BMPER: variants seen among roughly 807,000 people sequenced by gnomAD.
BMPER encodes BMP binding endothelial regulator, also known as BMP-binding endothelial regulator protein.
In BMPER, 45 loss-of-function variants were observed where a neutral mutation model predicts 87.3. That is an observed-to-expected ratio of 0.52 (90% confidence interval 0.41 to 0.66). The LOEUF is 0.66. Among genes scored for constraint, BMPER ranks in the 30% least tolerant of loss-of-function variants. The pLI is 0.00. For synonymous variants in BMPER, 326 were observed against 316.2 expected (o/e 1.03, Z -0.33); for missense variants, 784 against 867.5 (o/e 0.90, Z 1.21).
intron 13 of BMPER, among the ~76,000 whole-genome samples, chr7:34,140,262 T>C (rs2127993858): frequency 6.6e-6 from 1 of 152,306 alleles, no homozygotes; most frequent in South Asian, 2.1e-4. Flanking sequence ...AAGCTGGCAG[T>C]TTCACACCAC....
intron 6 of BMPER, among the ~76,000 whole-genome samples, chr7:34,018,203 G>A (rs751889104): frequency 6.6e-6 from 1 of 151,860 alleles, no homozygotes; most frequent in Non-Finnish European, 1.5e-5. Context: ...TGGTTTGAAG[G>A]CTCTAATTAT....
At chr7:33,993,754 T>C (rs1447388957) in intron 6 of BMPER, among the ~76,000 whole-genome samples, 2 of 152,218 alleles carry the variant, frequency 1.3e-5, no homozygotes. Context: ...TGTGGTTTTA[T>C]CTACTTTTGG....
intron 6 of BMPER, among the ~76,000 whole-genome samples, chr7:33,978,669 C>G (rs79763542): frequency 6.6e-6 from 1 of 152,094 alleles, no homozygotes; most frequent in African/African-American, 2.4e-5. Context: ...TCTCAACTTA[C>G]GGTGGAGTTA....
chr7:34,003,605 G>A lies in BMPER; in HGVS notation c.576+28821G>A, dbSNP rs1260830995. ...AGTCCGTTTAGTATTTTTATGTAGGGCATATCTGCTAGTAATGAATTCTGT... is the reference window on the plus strand; with the variant it reads ...AGTCCGTTTAGTATTTTTATGTAGGACATATCTGCTAGTAATGAATTCTGT... On this transcript the variant is annotated intron_variant, in intron 6 of 14. Transcript: ENST00000649409. 2.6e-5 allele frequency among the ~76,000 whole-genome samples: 4 copies of A among 151,974 alleles called. No homozygotes were observed. In the East Asian group the frequency reaches 7.7e-4, roughly 29 times the overall value.
At chr7:34,117,213 G>A (rs991957619) in intron 13 of BMPER, among the ~76,000 whole-genome samples, 8 of 152,110 alleles carry the variant, frequency 5.3e-5, no homozygotes, top group African/African-American at 1.9e-4. Flanking sequence ...CATCAGTTAT[G>A]CCAAAAGTCA....
In BMPER at chr7:33,924,268, A is replaced by G. The variant is rs367548279; in HGVS notation, c.220-13021A>G. On this transcript the variant is annotated intron_variant, in intron 2 of 14. Coordinates refer to ENST00000649409, the MANE Select transcript of BMPER (RefSeq NM_001365308.1). Reference sequence around the variant, plus strand: ...AAAATAAGTTGGATTATTTCTAACTACCTGTTACTGCTCTTGACTTTGGAC... The same window carrying G: ...AAAATAAGTTGGATTATTTCTAACTGCCTGTTACTGCTCTTGACTTTGGAC... Among the ~76,000 whole-genome samples, 23 of 152,354 alleles carry G rather than the reference A, an allele frequency of 1.5e-4. No individual in the cohort carries two copies. The East Asian group carries it at 2.3e-3, about 15-fold the overall frequency.
intron 2 of BMPER, among the ~76,000 whole-genome samples, chr7:33,932,960 A>C (rs76304326): frequency 3.9e-5 from 6 of 152,048 alleles, no homozygotes; most frequent in African/African-American, 1.5e-4. Flanking sequence ...GGGAGAGCTC[A>C]TTTCTCTCCC....
chr7:33,905,875 G>A, intron 1 of BMPER, 129 bp downstream of exon 1: 2 of 1,299,910 alleles, frequency 1.5e-6, no homozygotes, highest in Non-Finnish European at 2.1e-6. Context: ...TGCGCTGGTC[G>A]ATGGGGATGA....
At chr7:34,003,715 A>T (rs1786650788) in intron 6 of BMPER, among the ~76,000 whole-genome samples, 1 of 152,018 alleles carries the variant, frequency 6.6e-6, no homozygotes, top group African/African-American at 2.4e-5. Flanking sequence ...ATACATGTTG[A>T]TTTATAGTTT....
intron 2 of BMPER, among the ~76,000 whole-genome samples, chr7:33,918,705 G>C (rs976671020): frequency 1.6e-4 from 25 of 152,324 alleles, no homozygotes; most frequent in South Asian, 2.1e-4. Flanking sequence ...ATGCCCCTTG[G>C]GGGGAATGGG....
chr7:34,123,619 TCTC>T (rs1336990771), intron 13 of BMPER, among the ~76,000 whole-genome samples: 5 of 152,162 alleles, frequency 3.3e-5, no homozygotes, highest in African/African-American at 1.2e-4. Context: ...TCCACTCTCA[TCTC>T]CTGGATTATA....
intron 6 of BMPER, among the ~76,000 whole-genome samples, chr7:34,018,956 C>T (rs568089578): frequency 1.3e-5 from 2 of 152,062 alleles, no homozygotes; most frequent in Admixed American, 1.3e-4. Context: ...GCAAGAAATA[C>T]CCCAGTACCT....
At chr7:33,906,669 T>A (rs1783825452) in intron 1 of BMPER, 149 bp from the exon 2 acceptor site, 1 of 720,900 alleles carries the variant, frequency 1.4e-6, no homozygotes. Flanking sequence ...GCAGAGGTTT[T>A]GCTTTGGTGA....
At chr7:34,112,419 C>T (rs2127986476) in intron 13 of BMPER, among the ~76,000 whole-genome samples, 1 of 136,724 alleles carries the variant, frequency 7.3e-6, no homozygotes, top group East Asian at 2.4e-4. Flanking sequence ...CGGCGTGAAC[C>T]TCGGAGGCGG....
intron 3 of BMPER, among the ~76,000 whole-genome samples, chr7:33,963,749 C>T (rs1222693318): frequency 3.9e-5 from 6 of 152,022 alleles, no homozygotes; most frequent in Non-Finnish European, 8.8e-5. Flanking sequence ...GCCAAGATCG[C>T]GCCATTGCAC....
At chr7:33,940,480 G>A (rs1428857322) in intron 3 of BMPER, among the ~76,000 whole-genome samples, 1 of 152,194 alleles carries the variant, frequency 6.6e-6, no homozygotes, top group Non-Finnish European at 1.5e-5. Context: ...CATTCCCTGA[G>A]CCCCTCAGAT....
At chr7:33,964,444 A>G (rs1195946987) in intron 3 of BMPER, among the ~76,000 whole-genome samples, 2 of 152,246 alleles carry the variant, frequency 1.3e-5, no homozygotes, top group East Asian at 1.9e-4. Flanking sequence ...TGGTTAAGCA[A>G]TGGGGCACTT....
chr7:34,150,877 T>G (rs1791158866), intron 14 of BMPER, among the ~76,000 whole-genome samples: 1 of 152,156 alleles, frequency 6.6e-6, no homozygotes, highest in African/African-American at 2.4e-5. Flanking sequence ...AGAAAGACTA[T>G]GAGAGGATGA....
intron 2 of BMPER, among the ~76,000 whole-genome samples, chr7:33,925,959 A>T (rs1277468135): frequency 6.6e-6 from 1 of 152,188 alleles, no homozygotes; most frequent in Non-Finnish European, 1.5e-5. Flanking sequence ...GTGGCAGTGG[A>T]ATTTGGTCAA....
Sources: gnomAD v4.1 joint callset for allele counts (sites outside exome capture counted in the v4.1 genomes callset) on GRCh38, gnomAD v4.1.1 for gene constraint, MANE v1.5 for transcripts, NCBI Gene and HGNC (gene_info 2026-07-23, HGNC 2026-07-21) for gene names.